Variants in GUCY1A1 observed in about 807,000 individuals in gnomAD.
The protein encoded by GUCY1A1 is guanylate cyclase soluble subunit alpha-1.
Under a neutral mutation model 64.5 loss-of-function variants are expected in GUCY1A1, and 48 were observed. The ratio of observed to expected loss-of-function variants is 0.74; its 90% CI spans 0.59 to 0.95. GUCY1A1 has a LOEUF of 0.95. Ranked by LOEUF, GUCY1A1 falls within the 40% of genes least tolerant of loss-of-function variation. GUCY1A1 has a pLI of 0.00. For missense variants in GUCY1A1, 804 were observed against 825.3 expected (o/e 0.97, Z 0.32); for synonymous variants, 308 against 303.4 (o/e 1.02, Z -0.16).
chr4:155,707,036 A>G (rs1035186848), intron 4 of GUCY1A1, among the ~76,000 whole-genome samples: 2 of 152,264 alleles, frequency 1.3e-5, no homozygotes, highest in Non-Finnish European at 2.9e-5. Flanking sequence ...TTAAAGTTTA[A>G]TATAATGATA....
intron 2 of GUCY1A1, among the ~76,000 whole-genome samples, chr4:155,694,433 C>T (rs1448785653): frequency 6.6e-6 from 1 of 152,158 alleles, no homozygotes; most frequent in Non-Finnish European, 1.5e-5. Context: ...AAAACTGGAC[C>T]TGCGTAGGCT....
At chr4:155,711,611 T>A (rs930170448) in intron 6 of GUCY1A1, among the ~76,000 whole-genome samples, 4 of 152,350 alleles carry the variant, frequency 2.6e-5, no homozygotes, top group African/African-American at 9.6e-5. Flanking sequence ...GTCACTTGTT[T>A]CTTGTAGGAG....
intron 2 of GUCY1A1, among the ~76,000 whole-genome samples, chr4:155,671,057 T>C (rs1021599208): frequency 2.6e-5 from 4 of 152,180 alleles, no homozygotes; most frequent in African/African-American, 7.2e-5. Context: ...CGGTATCCAA[T>C]GTTGGATCCA....
chr4:155,713,198 G>A lies in GUCY1A1; in HGVS notation c.1187G>A (p.Arg396Gln), dbSNP rs377442806. 2.2e-5 allele frequency: 36 copies of A among 1,613,916 alleles called. No individual in the cohort carries two copies. The East Asian group carries it at 3.1e-4, about 14-fold the overall frequency. ...GACAGATTAGAAGATTTTACAGGACGAGGGCTCTACCTCTCAGACATCCCA... is the reference window on the plus strand; with the variant it reads ...GACAGATTAGAAGATTTTACAGGACAAGGGCTCTACCTCTCAGACATCCCA... ...CVDRLEDFTGRGLYLSDIPIH... is the reference protein window; with the variant it reads ...CVDRLEDFTGQGLYLSDIPIH... The change falls in exon 7 of 10, where the codon CGA (arginine) becomes CAA (glutamine). Residue 396 changes from arginine to glutamine, a missense_variant. By Grantham distance (43) the Arg-to-Gln change is conservative. Coordinates refer to ENST00000506455, the MANE Select transcript of GUCY1A1 (RefSeq NM_001130682.3).
chr4:155,682,309 T>C (rs559211424), intron 2 of GUCY1A1, among the ~76,000 whole-genome samples: 13 of 152,338 alleles, frequency 8.5e-5, no homozygotes, highest in Non-Finnish European at 1.8e-4. Flanking sequence ...ATAAACAGTT[T>C]TAACTCTCTA....
chr4:155,682,051 G>GATCTAA (rs1350408472), intron 2 of GUCY1A1, among the ~76,000 whole-genome samples: 1 of 152,070 alleles, frequency 6.6e-6, no homozygotes, highest in Non-Finnish European at 1.5e-5. Context: ...CTCAGATCTA[G>GATCTAA]TGAGTTGCCA....
chr4:155,705,008 C>T (rs1182576415), intron 4 of GUCY1A1, among the ~76,000 whole-genome samples: 2 of 152,208 alleles, frequency 1.3e-5, no homozygotes, highest in South Asian at 2.1e-4. Flanking sequence ...ATCAACCTCT[C>T]GAGCAGCTGG....
Position 155,674,914 on chromosome 4 carries a change from C to T in GUCY1A1, c.-113+7495C>T, listed in dbSNP as rs554646151. 3.3e-5 allele frequency among the ~76,000 whole-genome samples: 5 copies of T among 151,612 alleles called. No homozygotes were observed. The South Asian group carries it at 1.0e-3, about 31-fold the overall frequency. On this transcript the variant is annotated intron_variant, in intron 2 of 9. Coordinates refer to ENST00000506455, the MANE Select transcript of GUCY1A1 (RefSeq NM_001130682.3). The stretch of plus-strand genomic sequence containing the variant: ...TATATACCGTAGGTAATTGTATGTA[C>T]TATGCTTTTTATATGACTGGCAGCA...
At chr4:155,667,527 G>C (rs879365030) in intron 2 of GUCY1A1, 108 bp downstream of exon 2, 2 of 152,124 alleles carry the variant, frequency 1.3e-5, no homozygotes, top group Non-Finnish European at 2.9e-5. Context: ...AGAAACCTTC[G>C]GTACGCTCCC....
Position 155,704,004 on chromosome 4 carries a change from C to T in GUCY1A1, c.317+11C>T, listed in dbSNP as rs1215002836. The T allele has an allele frequency of 5.7e-6, 9 of 1,566,326 alleles. No homozygotes were observed. In the African/African-American group the frequency reaches 8.2e-5, roughly 14 times the overall value. On this transcript the variant is annotated intron_variant, in intron 4 of 9. Coordinates refer to ENST00000506455, the MANE Select transcript of GUCY1A1 (RefSeq NM_001130682.3). ...AATAAAAGAAAGCAGGTAAGTCAAA[C>T]CACTTTAGTTGTGTGAACCTCTTAT...
At chr4:155,698,690 A>AAC (rs1730722472) in intron 3 of GUCY1A1, among the ~76,000 whole-genome samples, 10 of 152,050 alleles carry the variant, frequency 6.6e-5, no homozygotes, top group African/African-American at 2.2e-4. Context: ...ACAACAACAA[A>AAC]AAAATTCTGG....
intron 2 of GUCY1A1, among the ~76,000 whole-genome samples, chr4:155,694,724 A>T (rs1203948441): frequency 1.3e-5 from 2 of 152,216 alleles, no homozygotes; most frequent in Non-Finnish European, 2.9e-5. Context: ...AGCTGACAGT[A>T]TCTATTCTCA....
At position 155,732,444 on chromosome 4, in the gene GUCY1A1, G is replaced by A. The variant is rs953396454; in HGVS notation, c.*2213G>A. ...GAATAATTTGTGGATCTTCAAAGAG[G>A]ATGAACATACATTTCCATGACAGAG... is the stretch of plus-strand genomic sequence containing the variant. On this transcript the variant is annotated 3_prime_UTR_variant, in exon 10 of 10. Coordinates refer to ENST00000506455, the MANE Select transcript of GUCY1A1 (RefSeq NM_001130682.3). The A allele has an allele frequency of 1.3e-5, 2 of 153,352 alleles. No homozygotes were observed. Among genetic ancestry groups the A allele is most frequent in the African/African-American group, 2.4e-5 (1 of 41,388 alleles). 9.5% of individuals were successfully genotyped at this position (153,352 alleles called of 1,614,324 possible). A position where few individuals can be genotyped will look rare whatever the true frequency, so the allele number is the denominator to read the frequency against.
chr4:155,721,987 A>T (rs750344938), intron 8 of GUCY1A1, 51 bp from the exon 9 acceptor site: 1 of 1,208,868 alleles, frequency 8.3e-7, no homozygotes, highest in Non-Finnish European at 1.2e-6. Context: ...ACTGACGAGT[A>T]GGAAGTGTTT....
chr4:155,684,092 CTG>C (rs1736201517), intron 2 of GUCY1A1, among the ~76,000 whole-genome samples: 1 of 152,170 alleles, frequency 6.6e-6, no homozygotes, highest in Non-Finnish European at 1.5e-5. Context: ...GCAAATGACT[CTG>C]TCTTTATATT....
At chr4:155,672,166 A>G (rs2126508608) in intron 2 of GUCY1A1, among the ~76,000 whole-genome samples, 1 of 152,210 alleles carries the variant, frequency 6.6e-6, no homozygotes, top group South Asian at 2.1e-4. Flanking sequence ...AAATTTAATC[A>G]TTACCTTTAG....
At position 155,732,874 on chromosome 4, in the gene GUCY1A1, C is replaced by T. The variant is rs1298072668; in HGVS notation, c.*2643C>T. On this transcript the variant is annotated 3_prime_UTR_variant, in exon 10 of 10. Transcript: ENST00000506455. The stretch of plus-strand genomic sequence containing the variant: ...CTTCTTGTCCTGTTGTTTTTTGTGT[C>T]GAGTACACTATATAAATTATCTCCT... Among the ~76,000 whole-genome samples the T allele has an allele frequency of 6.6e-6, 1 of 151,698 alleles. No homozygotes were observed. The highest frequency in any genetic ancestry group is 1.5e-5 in the Non-Finnish European group (1 of 67,864).
Position 155,734,286 on chromosome 4 carries a change from G to T in GUCY1A1, c.*4055G>T, listed in dbSNP as rs1261108335. Among the ~76,000 whole-genome samples, 2 of 151,894 alleles carry T rather than the reference G, an allele frequency of 1.3e-5. No homozygotes were observed. The highest frequency in any genetic ancestry group is 2.9e-5 in the Non-Finnish European group (2 of 67,906). On this transcript the variant is annotated 3_prime_UTR_variant, in exon 10 of 10. Transcript: ENST00000506455. Reference sequence around the variant, plus strand: ...AAACTGCCCAGATGGAGCTTTACATGCAAAGCTCCAGTGAAGTCTAGTGCT... The same window carrying T: ...AAACTGCCCAGATGGAGCTTTACATTCAAAGCTCCAGTGAAGTCTAGTGCT...
chr4:155,716,208 A>G (rs909822325), intron 7 of GUCY1A1, among the ~76,000 whole-genome samples: 2 of 152,184 alleles, frequency 1.3e-5, no homozygotes, highest in African/African-American at 4.8e-5. Flanking sequence ...AGAAATCTGG[A>G]GCCATAATAA....
Sources: allele counts gnomAD v4.1 joint callset (sites outside exome capture counted in the v4.1 genomes callset), GRCh38; gene constraint gnomAD v4.1.1; transcripts MANE v1.5; gene names NCBI Gene and HGNC (gene_info 2026-07-23, HGNC 2026-07-21).